DLGAP2: variants seen among roughly 807,000 people sequenced by gnomAD.
The protein encoded by DLGAP2 is disks large-associated protein 2.
In DLGAP2, 26 loss-of-function variants were observed where a neutral mutation model predicts 100.3. That is an observed-to-expected ratio of 0.26 (90% CI 0.19 to 0.36). The LOEUF is 0.36. Ranked by LOEUF, DLGAP2 falls within the 10% of genes least tolerant of loss-of-function variation. The pLI is 1.00. For synonymous variants in DLGAP2, 886 were observed against 630.1 expected (o/e 1.41, Z -6.08); for missense variants, 1,858 against 1,453.2 (o/e 1.28, Z -4.53).
rs1410546522 is a variant in DLGAP2, at chr8:1,254,897, T to TGTGTG, written c.74-3954_74-3953insGTGTG. On this transcript the variant is annotated intron_variant, in intron 2 of 14. Coordinates refer to ENST00000637795, the MANE Select transcript of DLGAP2 (RefSeq NM_001346810.2). ...CTGCCTCTCCTGCCCGCGTGCTGTG[T>TGTGTG]CTGTGCTCTCTCCTGCCCAGGTGCT... Among the ~76,000 whole-genome samples the TGTGTG allele has an allele frequency of 1.3e-4, 19 of 151,470 alleles. 1 individual carries two copies. The highest frequency in any genetic ancestry group is 2.2e-4 in the African/African-American group (9 of 41,282).
At chr8:873,940 A>G (rs1300413595) in intron 1 of DLGAP2, among the ~76,000 whole-genome samples, 2 of 152,022 alleles carry the variant, frequency 1.3e-5, no homozygotes, top group Non-Finnish European at 2.9e-5. Context: ...CAGTTTTGGT[A>G]GTTTGTGTCT....
At chr8:1,363,940 G>A (rs1802045880) in intron 3 of DLGAP2, among the ~76,000 whole-genome samples, 1 of 152,162 alleles carries the variant, frequency 6.6e-6, no homozygotes, top group African/African-American at 2.4e-5. Context: ...GTGACAGCCA[G>A]GCTATTGGCC....
intron 5 of DLGAP2, among the ~76,000 whole-genome samples, chr8:1,561,780 G>C (rs1429513703): frequency 6.2e-5 from 5 of 80,618 alleles, no homozygotes; most frequent in Admixed American, 1.4e-4. Context: ...CTCGTTACTG[G>C]GGGACTGTGT....
chr8:768,441 T>TTTTC (rs1554558685), intron 1 of DLGAP2, among the ~76,000 whole-genome samples: 2 of 143,436 alleles, frequency 1.4e-5, no homozygotes, highest in Non-Finnish European at 1.5e-5. Flanking sequence ...TTTTTTTTTT[T>TTTTC]CTGACATGAA....
At chr8:1,248,345 C>G in intron 2 of DLGAP2, 1 of 93,374 alleles carries the variant, frequency 1.1e-5, no homozygotes, top group Non-Finnish European at 2.0e-5. Context: ...CCTTTGAGAT[C>G]AGTGTGGGAG....
At chr8:781,127 G>A (rs1821675508) in intron 1 of DLGAP2, among the ~76,000 whole-genome samples, 1 of 152,018 alleles carries the variant, frequency 6.6e-6, no homozygotes, top group Admixed American at 6.6e-5. Context: ...TTAAGAGTAA[G>A]TCGTGCATCT....
chr8:1,344,095 C>G (rs557419492), intron 3 of DLGAP2, among the ~76,000 whole-genome samples: 12 of 149,446 alleles, frequency 8.0e-5, no homozygotes, highest in African/African-American at 5.1e-5. Context: ...TACTCGGGGC[C>G]CTGTCGTGGG....
chr8:891,722 A>G (rs1798039019), intron 1 of DLGAP2: 1 of 152,282 alleles, frequency 6.6e-6, no homozygotes, highest in South Asian at 2.1e-4. Flanking sequence ...CAAAGAGACA[A>G]AGAGAATTCT....
At chr8:936,629 G>A (rs1799078164) in intron 2 of DLGAP2, among the ~76,000 whole-genome samples, 1 of 152,190 alleles carries the variant, frequency 6.6e-6, no homozygotes, top group South Asian at 2.1e-4. Context: ...CGGTGCAGGA[G>A]TCTGAGCTGG....
intron 2 of DLGAP2, among the ~76,000 whole-genome samples, chr8:1,123,071 G>A (rs183206018): frequency 6.6e-6 from 1 of 152,258 alleles, no homozygotes; most frequent in East Asian, 1.9e-4. Flanking sequence ...AAATGTATTT[G>A]AAAATAACTA....
At chr8:1,450,877 C>G (rs1269555207) in intron 3 of DLGAP2, among the ~76,000 whole-genome samples, 9 of 152,098 alleles carry the variant, frequency 5.9e-5, no homozygotes, top group Admixed American at 3.9e-4. Flanking sequence ...AAAAGAGACA[C>G]CGTAATAAAC....
chr8:1,455,384 CT>C (rs1300945398), intron 3 of DLGAP2, among the ~76,000 whole-genome samples: 5 of 152,206 alleles, frequency 3.3e-5, no homozygotes, highest in Admixed American at 1.3e-4. Context: ...ATGAGTCCCC[CT>C]GCCCCTCGGG....
chr8:1,430,786 C>T (rs1372082166), intron 3 of DLGAP2, among the ~76,000 whole-genome samples: 1 of 152,188 alleles, frequency 6.6e-6, no homozygotes, highest in Non-Finnish European at 1.5e-5. Context: ...GTTATTGAAA[C>T]ATCCTTTGTT....
Position 1,235,093 on chromosome 8 carries a change from CGTCGTGTCT to C in DLGAP2, c.74-23757_74-23749del, listed in dbSNP as rs1563269924. The stretch of plus-strand genomic sequence containing the variant: ...TCGTGTCTAGTTCCCTCTCACATGG[CGTCGTGTCT>C]AGTTCTCTCACACATGGCGTCGTGT... On this transcript the variant is annotated intron_variant, in intron 2 of 14. Coordinates refer to ENST00000637795, the MANE Select transcript of DLGAP2 (RefSeq NM_001346810.2). Among the ~76,000 whole-genome samples the C allele has an allele frequency of 3.9e-4, 6 of 15,250 alleles. No individual in the cohort carries two copies. The South Asian group carries it at 5.4e-3, about 14-fold the overall frequency. 10.0% of individuals were successfully genotyped at this position (15,250 alleles called of 152,430 possible). A position where few individuals can be genotyped will look rare whatever the true frequency, so the allele number is the denominator to read the frequency against.
intron 2 of DLGAP2, among the ~76,000 whole-genome samples, chr8:1,165,941 T>G (rs1246278798): frequency 6.6e-6 from 1 of 152,240 alleles, no homozygotes; most frequent in African/African-American, 2.4e-5. Context: ...TTTTAACCAT[T>G]ATCCAGTTTC....
Position 1,697,150 on chromosome 8 carries a change from C to A in DLGAP2, c.2800C>A (p.Pro934Thr). The A allele has an allele frequency of 6.3e-7, 1 of 1,581,292 alleles. No homozygotes were observed. The highest frequency in any genetic ancestry group is 8.6e-7 in the Non-Finnish European group (1 of 1,162,218). The stretch of plus-strand genomic sequence containing the variant: ...AACACCCTGTGTGTGTCCCCAGGAC[C>A]CCAGCGCCATGCCGAGGCCGACGTC... The part of the protein sequence containing the change: ...FYWLCQQNMD[P>T]SAMPRPTSQD... The change falls in exon 14 of 15, where the codon CCC (proline) becomes ACC (threonine). Residue 934 changes from proline to threonine, a missense_variant. Transcript: ENST00000637795.
chr8:1,331,354 A>T (rs1011548231), intron 3 of DLGAP2, among the ~76,000 whole-genome samples: 1 of 152,152 alleles, frequency 6.6e-6, no homozygotes, highest in African/African-American at 2.4e-5. Context: ...TTCACAGCCC[A>T]GGGTGGGCTA....
At chr8:1,287,311 C>T (rs1472551843) in intron 3 of DLGAP2, among the ~76,000 whole-genome samples, 1 of 88,380 alleles carries the variant, frequency 1.1e-5, no homozygotes, top group Non-Finnish European at 2.1e-5. Flanking sequence ...AGTTTCGGTT[C>T]AGCGTGTGTG....
chr8:1,312,307 G>T (rs1800631632), intron 3 of DLGAP2, among the ~76,000 whole-genome samples: 1 of 152,184 alleles, frequency 6.6e-6, no homozygotes, highest in Non-Finnish European at 1.5e-5. Flanking sequence ...CCGCACCGAA[G>T]GCACCTAGGA....
Sources: gnomAD v4.1 joint callset for allele counts (sites outside exome capture counted in the v4.1 genomes callset) on GRCh38, gnomAD v4.1.1 for gene constraint, MANE v1.5 for transcripts, NCBI Gene and HGNC (gene_info 2026-07-23, HGNC 2026-07-21) for gene names.